Variants in DAB1 observed in about 807,000 individuals in gnomAD.
DAB1 encodes DAB adaptor protein 1, also known as disabled homolog 1.
A neutral mutation model predicts 64.6 loss-of-function variants in DAB1; 15 were observed. The ratio of observed to expected loss-of-function variants is 0.23; its 90% CI spans 0.16 to 0.36. The LOEUF (loss-of-function observed/expected upper bound fraction) is 0.36, where lower values mean the gene tolerates loss of function less well. Ranked by LOEUF, DAB1 falls within the 10% of genes least tolerant of loss-of-function variation. The probability of loss-of-function intolerance (pLI) is 1.00; values close to 1 mark genes in which losing one functional copy is unlikely to be tolerated. For missense variants in DAB1, 596 were observed against 706.7 expected (o/e 0.84, Z 1.78); for synonymous variants, 235 against 251.9 (o/e 0.93, Z 0.64).
At chr1:58,255,789 TGTG>T (rs1660915809) in intron 4 of DAB1, among the ~76,000 whole-genome samples, 1 of 152,184 alleles carries the variant, frequency 6.6e-6, no homozygotes, top group South Asian at 2.1e-4. Context: ...AGGCATCTAA[TGTG>T]GTGACAGACT....
intron 4 of DAB1, among the ~76,000 whole-genome samples, chr1:58,253,891 G>C (rs1319481125): frequency 6.6e-6 from 1 of 152,150 alleles, no homozygotes; most frequent in Non-Finnish European, 1.5e-5. Flanking sequence ...TTTTCAACTG[G>C]ACAGGCAGGA....
chr1:58,522,156 A>C (rs7355030), intron 2 of DAB1, among the ~76,000 whole-genome samples: 17,674 of 152,134 alleles, frequency 0.12, 1,221 homozygotes, highest in African/African-American at 0.18. Context: ...TAATCATCTC[A>C]ATACAGGCAG....
chr1:57,866,547 G>A (rs1174739752), intron 1 of DAB1: 1 of 152,146 alleles, frequency 6.6e-6, no homozygotes, highest in African/African-American at 2.4e-5. Context: ...TACAATTCTA[G>A]AGCAGGACTG....
intron 9 of DAB1, among the ~76,000 whole-genome samples, chr1:57,046,578 T>C (rs1648524339): frequency 6.6e-6 from 1 of 152,230 alleles, no homozygotes; most frequent in South Asian, 2.1e-4. Context: ...TGGATATTTA[T>C]GGGGAAACTG....
chr1:57,298,747 A>C (rs1182461876), intron 1 of DAB1, among the ~76,000 whole-genome samples: 1 of 152,232 alleles, frequency 6.6e-6, no homozygotes, highest in African/African-American at 2.4e-5. Flanking sequence ...AGACACAAAA[A>C]ATTAGAAATG....
At chr1:58,100,357 T>C (rs1378682348) in intron 5 of DAB1, among the ~76,000 whole-genome samples, 2 of 152,242 alleles carry the variant, frequency 1.3e-5, no homozygotes, top group African/African-American at 2.4e-5. Flanking sequence ...ATCTTTATGA[T>C]TCATGCATAT....
chr1:57,506,670 A>G (rs1644347851), intron 7 of DAB1, among the ~76,000 whole-genome samples: 1 of 152,100 alleles, frequency 6.6e-6, no homozygotes. Flanking sequence ...AGTTCCTGCC[A>G]CTTAACAGCC....
intron 5 of DAB1, among the ~76,000 whole-genome samples, chr1:57,914,187 A>T (rs1247040012): frequency 6.6e-6 from 1 of 152,198 alleles, no homozygotes; most frequent in Non-Finnish European, 1.5e-5. Context: ...AAAGACTTGG[A>T]ACCAACCCAA....
intron 4 of DAB1, among the ~76,000 whole-genome samples, chr1:57,105,445 G>T (rs141104064): frequency 6.6e-6 from 1 of 152,058 alleles, no homozygotes; most frequent in East Asian, 1.9e-4. Flanking sequence ...GCTGCTCCAA[G>T]GAAAGGTGGG....
chr1:57,619,743 A>G (rs1645833891), intron 7 of DAB1, among the ~76,000 whole-genome samples: 1 of 152,130 alleles, frequency 6.6e-6, no homozygotes, highest in South Asian at 2.1e-4. Context: ...GGAGTTGGCC[A>G]AGAGTGTCCT....
At chr1:57,573,529 G>A (rs2101537694) in intron 7 of DAB1, among the ~76,000 whole-genome samples, 1 of 152,364 alleles carries the variant, frequency 6.6e-6, no homozygotes, top group African/African-American at 2.4e-5. Context: ...AATACTTTAA[G>A]TGCATGTTAT....
intron 4 of DAB1, among the ~76,000 whole-genome samples, chr1:58,185,079 C>T (rs1656998265): frequency 6.6e-6 from 1 of 152,140 alleles, no homozygotes; most frequent in Non-Finnish European, 1.5e-5. Flanking sequence ...CAAAACAAAA[C>T]AAAACAAAAA....
chr1:57,353,128 C>CAT (rs1348246910), intron 1 of DAB1, among the ~76,000 whole-genome samples: 1 of 151,590 alleles, frequency 6.6e-6, no homozygotes, highest in Non-Finnish European at 1.5e-5. Context: ...CACACACACA[C>CAT]ACACACACAC....
intron 7 of DAB1, among the ~76,000 whole-genome samples, chr1:57,566,698 C>T (rs1176872645): frequency 6.6e-6 from 1 of 152,104 alleles, no homozygotes; most frequent in Non-Finnish European, 1.5e-5. Flanking sequence ...AATTCCTGGA[C>T]ACATACACCC....
At chr1:58,256,930 C>T (rs866794352) in intron 4 of DAB1, among the ~76,000 whole-genome samples, 2 of 152,192 alleles carry the variant, frequency 1.3e-5, no homozygotes, top group African/African-American at 2.4e-5. Flanking sequence ...TGCTGATTTG[C>T]GCCATCTCTT....
At chr1:58,489,461 G>A (rs1037749902) in intron 3 of DAB1, among the ~76,000 whole-genome samples, 4 of 152,228 alleles carry the variant, frequency 2.6e-5, no homozygotes, top group Admixed American at 6.5e-5. Flanking sequence ...GAACTGGGTG[G>A]AGCCCACTGC....
At chr1:58,133,594 A>G (rs1481699484) in intron 5 of DAB1, among the ~76,000 whole-genome samples, 1 of 152,152 alleles carries the variant, frequency 6.6e-6, no homozygotes, top group East Asian at 1.9e-4. Context: ...TCACTGATTC[A>G]TTTATTTAGC....
intron 4 of DAB1, among the ~76,000 whole-genome samples, chr1:57,109,807 G>T (rs1655497113): frequency 6.6e-6 from 1 of 152,132 alleles, no homozygotes; most frequent in South Asian, 2.1e-4. Flanking sequence ...TTTGTCGAAT[G>T]ATTGCATGAA....
At chr1:58,480,906 A>C in intron 3 of DAB1, 1 of 756,958 alleles carries the variant, frequency 1.3e-6, no homozygotes, top group Non-Finnish European at 2.2e-6. Flanking sequence ...TTAAAAAGTA[A>C]CATAAAATGA....
Sources: gnomAD v4.1 joint callset for allele counts (sites outside exome capture counted in the v4.1 genomes callset) on GRCh38, gnomAD v4.1.1 for gene constraint, MANE v1.5 for transcripts, NCBI Gene and HGNC (gene_info 2026-07-23, HGNC 2026-07-21) for gene names.